CD96: variants seen among roughly 807,000 people sequenced by gnomAD.
The protein encoded by CD96 is CD96 molecule.
Under a neutral mutation model 71.3 loss-of-function variants are expected in CD96, and 70 were observed. The observed-to-expected ratio is 0.98, with a 90% CI of 0.81 to 1.20. The LOEUF is 1.20. CD96 is among the 50% of genes most tolerant of loss of function. The pLI is 0.00. For synonymous variants in CD96, 248 were observed against 233.0 expected (o/e 1.06, Z -0.59); for missense variants, 742 against 677.5 (o/e 1.10, Z -1.06).
intron 3 of CD96, among the ~76,000 whole-genome samples, chr3:111,570,115 G>A (rs1935909049): frequency 6.6e-6 from 1 of 152,126 alleles, no homozygotes; most frequent in Non-Finnish European, 1.5e-5. Flanking sequence ...AGGGTGCTGG[G>A]AAAACCCTGC....
chr3:111,567,473 T>C, intron 2 of CD96, 50 bp from the exon 3 acceptor site: 1 of 1,548,334 alleles, frequency 6.5e-7, no homozygotes, highest in Non-Finnish European at 8.9e-7. Flanking sequence ...AAAAGCACTT[T>C]ACAAACCAAT....
intron 12 of CD96, among the ~76,000 whole-genome samples, chr3:111,641,555 C>T (rs1052068767): frequency 7.9e-5 from 12 of 152,266 alleles, no homozygotes; most frequent in Admixed American, 5.2e-4. Flanking sequence ...TAGTGGGGGA[C>T]TTCAATACTC....
intron 12 of CD96, among the ~76,000 whole-genome samples, chr3:111,644,372 T>G (rs566072013): frequency 6.6e-6 from 1 of 152,188 alleles, no homozygotes; most frequent in South Asian, 2.1e-4. Flanking sequence ...AAGATAACAT[T>G]GGAAAAATTC....
chr3:111,563,160 C>T (rs993062957), intron 2 of CD96, among the ~76,000 whole-genome samples: 9 of 152,196 alleles, frequency 5.9e-5, no homozygotes, highest in African/African-American at 2.2e-4. Flanking sequence ...TATCACCTCC[C>T]AAAGGTTCCA....
chr3:111,616,776 C>T lies in CD96; in HGVS notation c.1181-6978C>T, dbSNP rs112518321. Among the ~76,000 whole-genome samples, 5 of 152,082 alleles carry T rather than the reference C, an allele frequency of 3.3e-5. No homozygotes were observed. The South Asian group carries it at 8.3e-4, about 25-fold the overall frequency. On this transcript the variant is annotated intron_variant, in intron 8 of 13. Coordinates refer to ENST00000352690, the MANE Select transcript of CD96 (RefSeq NM_005816.5). ...GAGGCCTGGCTGGGACTGTTGAGCC[C>T]GTAGAGGCTGAGAACAGGAGGGAGC...
Position 111,554,402 on chromosome 3 carries a change from C to G in CD96, c.418+9000C>G, listed in dbSNP as rs1025440816. Among the ~76,000 whole-genome samples, 2 of 151,952 alleles carry G rather than the reference C, an allele frequency of 1.3e-5. 1 individual carries two copies. The highest frequency in any genetic ancestry group is 2.9e-5 in the Non-Finnish European group (2 of 67,960). ...TTTTGATCTACTTCCTCCATTTCTT[C>G]TCTGTTTTCTTGACTATATGAAAAA... On this transcript the variant is annotated intron_variant, in intron 2 of 13. Coordinates refer to ENST00000352690, the MANE Select transcript of CD96 (RefSeq NM_005816.5).
chr3:111,606,586 T>C (rs1000613521), intron 7 of CD96, 114 bp from the exon 8 acceptor site: 57 of 705,308 alleles, frequency 8.1e-5, no homozygotes, highest in Non-Finnish European at 3.3e-5. Context: ...GGCCCCAATA[T>C]TGATTTGTTA....
chr3:111,591,371 TAAAAAAAAAAAAA>T (rs3082283), intron 5 of CD96, among the ~76,000 whole-genome samples: 2 of 88,108 alleles, frequency 2.3e-5, no homozygotes, highest in African/African-American at 9.1e-5. Flanking sequence ...GACTCCATCT[TAAAAAAAAAAAAA>T]AAAAAAAAAA....
At chr3:111,590,816 T>C (rs1175834209) in intron 5 of CD96, among the ~76,000 whole-genome samples, 1 of 152,196 alleles carries the variant, frequency 6.6e-6, no homozygotes, top group Non-Finnish European at 1.5e-5. Flanking sequence ...ACAAGAGGGA[T>C]GCATAAAAGC....
downstream of CD96, among the ~76,000 whole-genome samples, chr3:111,655,443 T>G (rs1940206013): frequency 1.3e-5 from 2 of 152,050 alleles, 1 homozygote; most frequent in Admixed American, 1.3e-4. Flanking sequence ...ATATAAAAAT[T>G]AAGTTATGCG....
chr3:111,592,839 T>C (rs1937056293), intron 5 of CD96: 1 of 152,250 alleles, frequency 6.6e-6, no homozygotes, highest in African/African-American at 2.4e-5. Context: ...TTCTCTGTGC[T>C]AATTACACAT....
chr3:111,594,833 G>A (rs1937179889), intron 5 of CD96: 1 of 167,136 alleles, frequency 6.0e-6, no homozygotes, highest in African/African-American at 2.4e-5. Flanking sequence ...ATCCAGAGTA[G>A]ACAAAGCCTA....
intron 10 of CD96, among the ~76,000 whole-genome samples, chr3:111,635,814 G>A (rs1432316806): frequency 2.0e-5 from 3 of 152,254 alleles, no homozygotes; most frequent in Non-Finnish European, 4.4e-5. Flanking sequence ...ACTTTGATGA[G>A]ATACAAAATA....
At chr3:111,589,476 A>G (rs539543153) in intron 5 of CD96, among the ~76,000 whole-genome samples, 200 of 152,338 alleles carry the variant, frequency 1.3e-3, no homozygotes, top group African/African-American at 4.7e-3. Flanking sequence ...TTAGTGAGTA[A>G]TCTTTCTCCA....
intron 2 of CD96, among the ~76,000 whole-genome samples, chr3:111,549,224 A>G (rs1317672738): frequency 6.6e-6 from 1 of 151,548 alleles, no homozygotes; most frequent in Admixed American, 6.6e-5. Flanking sequence ...ACTGGAGTTA[A>G]CCAAGTGAAC....
chr3:111,614,955 G>A (rs1938155978), intron 8 of CD96, among the ~76,000 whole-genome samples: 1 of 152,002 alleles, frequency 6.6e-6, no homozygotes, highest in South Asian at 2.1e-4. Flanking sequence ...CTCTTAGCCA[G>A]TCTGCTCCCA....
In CD96 at chr3:111,638,240, A is replaced by G. The variant is rs1019550478; in HGVS notation, c.1477+72A>G. 6 of 949,536 alleles carry G rather than the reference A, an allele frequency of 6.3e-6. No individual in the cohort carries two copies. The African/African-American group carries it at 6.4e-5, about 10-fold the overall frequency. The allele number at this position is 949,536 out of a possible 1,614,324, so 58.8% of individuals were successfully genotyped here. Reference sequence around the variant, plus strand: ...AATAAATATTTATCAAGTACCTGCCATTTGCCAGGCATTATGCCAGTTGTT... The same window carrying G: ...AATAAATATTTATCAAGTACCTGCCGTTTGCCAGGCATTATGCCAGTTGTT... On this transcript the variant is annotated intron_variant, in intron 12 of 13. Transcript: ENST00000352690.
intron 3 of CD96, among the ~76,000 whole-genome samples, chr3:111,569,062 C>A (rs985026685): frequency 1.3e-5 from 2 of 152,134 alleles, no homozygotes; most frequent in Non-Finnish European, 2.9e-5. Flanking sequence ...ACAGCTGGCA[C>A]AATTTGGAAA....
intron 8 of CD96, among the ~76,000 whole-genome samples, chr3:111,609,689 A>C (rs929389844): frequency 6.6e-6 from 1 of 152,208 alleles, no homozygotes; most frequent in Non-Finnish European, 1.5e-5. Flanking sequence ...CAAGTACCAT[A>C]TTTGTTTAAA....
Sources: gnomAD v4.1 joint callset for allele counts (sites outside exome capture counted in the v4.1 genomes callset) on GRCh38, gnomAD v4.1.1 for gene constraint, MANE v1.5 for transcripts, NCBI Gene and HGNC (gene_info 2026-07-23, HGNC 2026-07-21) for gene names.